Variants in EFL1 observed in about 807,000 individuals in gnomAD.
The protein encoded by EFL1 is elongation factor-like GTPase 1.
A neutral mutation model predicts 126.7 loss-of-function variants in EFL1; 76 were observed. The observed-to-expected ratio is 0.60, with a 90% CI of 0.50 to 0.73. The LOEUF is 0.73. Among genes scored for constraint, EFL1 ranks in the 30% least tolerant of loss-of-function variants. The probability of loss-of-function intolerance (pLI) is 0.00; values close to 1 mark genes in which losing one functional copy is unlikely to be tolerated. For missense variants in EFL1, 1,128 were observed against 1,343.2 expected, an observed-to-expected ratio of 0.84 and a Z score of 2.50; for synonymous variants, 410 against 448.4, an observed-to-expected ratio of 0.91 and a Z score of 1.08.
chr15:82,132,371 G>A (rs1041093543), intron 19 of EFL1, among the ~76,000 whole-genome samples: 3 of 151,968 alleles, frequency 2.0e-5, no homozygotes, highest in Non-Finnish European at 4.4e-5. Flanking sequence ...CTCAGTGTGA[G>A]CCTACACGTC....
chr15:82,258,459 G>A (rs1350149735), intron 3 of EFL1, among the ~76,000 whole-genome samples: 2 of 152,120 alleles, frequency 1.3e-5, no homozygotes, highest in Non-Finnish European at 2.9e-5. Flanking sequence ...GCTGAGGTGG[G>A]AGGATCACCT....
At chr15:82,181,031 A>AT (rs537867720) in intron 15 of EFL1, among the ~76,000 whole-genome samples, 5 of 150,850 alleles carry the variant, frequency 3.3e-5, no homozygotes, top group East Asian at 1.9e-4. Context: ...CCTGGCCTAA[A>AT]TTTTTTTTTT....
intron 15 of EFL1, among the ~76,000 whole-genome samples, chr15:82,195,462 GA>G (rs2074399342): frequency 6.6e-6 from 1 of 152,170 alleles, no homozygotes; most frequent in African/African-American, 2.4e-5. Flanking sequence ...GCCCTTGGGA[GA>G]AATTAATTCT....
intron 18 of EFL1, among the ~76,000 whole-genome samples, chr15:82,150,330 T>C (rs1163427309): frequency 6.6e-6 from 1 of 152,126 alleles, no homozygotes; most frequent in Non-Finnish European, 1.5e-5. Flanking sequence ...ATTAACCACA[T>C]ATTGACTCAA....
intron 4 of EFL1, among the ~76,000 whole-genome samples, chr15:82,251,988 T>A (rs1277762202): frequency 1.3e-5 from 2 of 152,236 alleles, no homozygotes; most frequent in Non-Finnish European, 2.9e-5. Context: ...TCTGCATATA[T>A]AATATATTTT....
intron 18 of EFL1, among the ~76,000 whole-genome samples, chr15:82,140,531 C>T (rs1165520592): frequency 6.6e-6 from 1 of 152,138 alleles, no homozygotes; most frequent in Non-Finnish European, 1.5e-5. Context: ...TTTGAACAAA[C>T]TCTCCACTCA....
intron 18 of EFL1, among the ~76,000 whole-genome samples, chr15:82,147,729 T>G (rs1412593641): frequency 6.6e-6 from 1 of 150,468 alleles, no homozygotes; most frequent in Non-Finnish European, 1.5e-5. Flanking sequence ...TAACAGACCC[T>G]AAAATAAAAT....
chr15:82,173,748 G>A (rs556270882), intron 15 of EFL1, among the ~76,000 whole-genome samples: 18 of 152,142 alleles, frequency 1.2e-4, no homozygotes, highest in Admixed American at 3.9e-4. Flanking sequence ...AAAAAGAGCT[G>A]GAGGATATAT....
intron 7 of EFL1, among the ~76,000 whole-genome samples, chr15:82,235,244 A>T (rs56042848): frequency 0.23 from 35,458 of 152,160 alleles, 4,489 homozygotes; most frequent in Non-Finnish European, 0.28. Context: ...GAGTGTTGTC[A>T]GAATTTGGTG....
chr15:82,231,122 G>C lies in EFL1; in HGVS notation c.732-151C>G, dbSNP rs28474792. The C allele has an allele frequency of 2.3e-3, 2,151 of 926,886 alleles. 31 individuals carry two copies. In the African/African-American group the frequency reaches 0.033, roughly 14 times the overall value. 57.4% of individuals were successfully genotyped at this position (926,886 alleles called of 1,614,324 possible). A position where few individuals can be genotyped will look rare whatever the true frequency, so the allele number is the denominator to read the frequency against. ...TTTTACAGAAAAGGGTAATGAAGCA[G>C]AGATATCACACAGGGAACAAGTGAG... is the stretch of plus-strand genomic sequence containing the variant. On this transcript the variant is annotated intron_variant, in intron 7 of 19. Transcript: ENST00000268206.
At chr15:82,132,353 T>A (rs1390325734) in intron 19 of EFL1, among the ~76,000 whole-genome samples, 1 of 151,788 alleles carries the variant, frequency 6.6e-6, no homozygotes, top group Non-Finnish European at 1.5e-5. Flanking sequence ...TTCAGAGTGC[T>A]AAGGAGCCTC....
intron 19 of EFL1, among the ~76,000 whole-genome samples, chr15:82,137,019 A>ATTTT: frequency 6.8e-6 from 1 of 146,386 alleles, no homozygotes; most frequent in Non-Finnish European, 1.5e-5. Flanking sequence ...TAAGAATGTG[A>ATTTT]TTTTTTTTTT....
chr15:82,253,120 A>T (rs1176582064), intron 3 of EFL1, among the ~76,000 whole-genome samples: 1 of 151,800 alleles, frequency 6.6e-6, no homozygotes, highest in Admixed American at 6.6e-5. Flanking sequence ...CTCACTGCAA[A>T]CTCTACTTCC....
intron 18 of EFL1, among the ~76,000 whole-genome samples, chr15:82,148,057 G>A (rs2073867530): frequency 6.6e-6 from 1 of 151,990 alleles, no homozygotes; most frequent in Non-Finnish European, 1.5e-5. Flanking sequence ...TGGCATATTT[G>A]TATTATATAC....
intron 15 of EFL1, among the ~76,000 whole-genome samples, chr15:82,177,632 T>C (rs1382220979): frequency 6.6e-6 from 1 of 152,222 alleles, no homozygotes; most frequent in Non-Finnish European, 1.5e-5. Context: ...CTCAGAAAAC[T>C]GTTCCTTGAT....
chr15:82,249,963 T>G (rs1043792565), intron 4 of EFL1, among the ~76,000 whole-genome samples: 2 of 151,918 alleles, frequency 1.3e-5, no homozygotes, highest in African/African-American at 4.8e-5. Context: ...AAATTAAGAG[T>G]CAGAACCACA....
At chr15:82,132,682 G>GC (rs766911153) in intron 19 of EFL1, among the ~76,000 whole-genome samples, 1 of 16,148 alleles carries the variant, frequency 6.2e-5, no homozygotes, top group Non-Finnish European at 1.2e-4. Context: ...TCCAGGAATT[G>GC]GGGGGGGGGG....
At chr15:82,192,099 T>C (rs1267518172) in intron 15 of EFL1, among the ~76,000 whole-genome samples, 1 of 152,090 alleles carries the variant, frequency 6.6e-6, no homozygotes, top group Non-Finnish European at 1.5e-5. Flanking sequence ...GGGCATATTG[T>C]ATGTAAAAGT....
intron 15 of EFL1, among the ~76,000 whole-genome samples, chr15:82,180,957 G>A (rs2074245989): frequency 6.6e-6 from 1 of 151,980 alleles, no homozygotes; most frequent in South Asian, 2.1e-4. Flanking sequence ...CGAACTTCTG[G>A]GCTCAAGCAA....
Sources: allele counts gnomAD v4.1 joint callset (sites outside exome capture counted in the v4.1 genomes callset), GRCh38; gene constraint gnomAD v4.1.1; transcripts MANE v1.5; gene names NCBI Gene and HGNC (gene_info 2026-07-23, HGNC 2026-07-21).